SPATA6: variants seen among roughly 807,000 people sequenced by gnomAD.
The protein encoded by SPATA6 is spermatogenesis-associated protein 6.
In SPATA6, 56 loss-of-function variants were observed where a neutral mutation model predicts 65.3. The ratio of observed to expected loss-of-function variants is 0.86; its 90% CI spans 0.69 to 1.07. The LOEUF is 1.07. SPATA6 is among the 50% of genes least tolerant of loss of function. The pLI, the probability that SPATA6 is intolerant of heterozygous loss-of-function variation, is 0.00. For synonymous variants in SPATA6, 199 were observed against 213.2 expected, an observed-to-expected ratio of 0.93 and a Z score of 0.58; for missense variants, 590 against 594.8, an observed-to-expected ratio of 0.99 and a Z score of 0.08.
intron 9 of SPATA6, among the ~76,000 whole-genome samples, chr1:48,372,903 C>G (rs1191340482): frequency 6.6e-6 from 1 of 152,144 alleles, no homozygotes; most frequent in Non-Finnish European, 1.5e-5. Flanking sequence ...CACAGGGCAC[C>G]AAGTCCCTAG....
chr1:48,313,825 G>A (rs557675262), intron 11 of SPATA6, among the ~76,000 whole-genome samples: 1 of 152,176 alleles, frequency 6.6e-6, no homozygotes, highest in Admixed American at 6.5e-5. Flanking sequence ...ACACACATAG[G>A]CTCAAAATAA....
chr1:48,347,469 TAA>T (rs1002276452), intron 11 of SPATA6, among the ~76,000 whole-genome samples: 21 of 146,660 alleles, frequency 1.4e-4, no homozygotes, highest in Non-Finnish European at 4.5e-5. Context: ...ATATATAATA[TAA>T]TATATATATT....
chr1:48,400,794 T>A, intron 6 of SPATA6: 1 of 1,297,470 alleles, frequency 7.7e-7, no homozygotes, highest in Non-Finnish European at 1.0e-6. Context: ...GATTACTCCA[T>A]CTTTCCTTCT....
intron 8 of SPATA6, among the ~76,000 whole-genome samples, chr1:48,393,521 T>C (rs775160134): frequency 6.6e-6 from 1 of 152,166 alleles, no homozygotes; most frequent in Non-Finnish European, 1.5e-5. Context: ...AAGATATTAT[T>C]AGGACAACTG....
chr1:48,411,812 T>C (rs1187062114), intron 4 of SPATA6, among the ~76,000 whole-genome samples: 1 of 152,204 alleles, frequency 6.6e-6, no homozygotes, highest in Admixed American at 6.5e-5. Flanking sequence ...GGTCCAACAT[T>C]TATATGTCAG....
chr1:48,412,917 C>A (rs1444477301), intron 4 of SPATA6, among the ~76,000 whole-genome samples, 193 bp downstream of exon 4: 1 of 151,720 alleles, frequency 6.6e-6, no homozygotes, highest in Non-Finnish European at 1.5e-5. Context: ...CTATGCCCGG[C>A]CTGAAAAGAT....
intron 9 of SPATA6, among the ~76,000 whole-genome samples, chr1:48,360,970 G>A (rs1262920078): frequency 6.6e-6 from 1 of 152,130 alleles, no homozygotes. Context: ...TCTTCCAATT[G>A]TAAGCATAGA....
intron 3 of SPATA6, among the ~76,000 whole-genome samples, chr1:48,428,811 A>G (rs148059426): frequency 2.9e-3 from 154 of 53,332 alleles, no homozygotes; most frequent in Middle Eastern, 0.014. Context: ...GTGTGTGTGT[A>G]TATGTATATA....
At chr1:48,428,781 G>GTGTGTT (rs1316272733) in intron 3 of SPATA6, among the ~76,000 whole-genome samples, 17 of 81,518 alleles carry the variant, frequency 2.1e-4, no homozygotes, top group African/African-American at 7.9e-4. Flanking sequence ...ATATATGTGT[G>GTGTGTT]TGTGTGTGTG....
intron 1 of SPATA6, among the ~76,000 whole-genome samples, chr1:48,469,064 C>T (rs1249035889): frequency 6.6e-6 from 1 of 152,154 alleles, no homozygotes; most frequent in Non-Finnish European, 1.5e-5. Flanking sequence ...AACTCCTGGG[C>T]TCAGGTAATC....
chr1:48,311,645 C>A (rs1425975461), intron 11 of SPATA6, among the ~76,000 whole-genome samples: 1 of 152,160 alleles, frequency 6.6e-6, no homozygotes, highest in East Asian at 1.9e-4. Context: ...ACGTGAGCGA[C>A]ACAGAAGACA....
chr1:48,334,190 C>T (rs1216150573), intron 11 of SPATA6, among the ~76,000 whole-genome samples: 1 of 152,056 alleles, frequency 6.6e-6, no homozygotes, highest in East Asian at 1.9e-4. Flanking sequence ...CAGCCAAATT[C>T]TACCAGATGT....
chr1:48,301,026 T>C (rs1384303711), intron 12 of SPATA6, among the ~76,000 whole-genome samples: 2 of 152,004 alleles, frequency 1.3e-5, no homozygotes, highest in Non-Finnish European at 2.9e-5. Context: ...AACATAGTAA[T>C]GGAAGTCCTA....
At chr1:48,311,926 G>A (rs942809875) in intron 11 of SPATA6, among the ~76,000 whole-genome samples, 11 of 152,300 alleles carry the variant, frequency 7.2e-5, no homozygotes, top group East Asian at 1.9e-4. Flanking sequence ...ATTGTATCCC[G>A]CGATTGGCTT....
chr1:48,321,925 C>A (rs1038307711), intron 11 of SPATA6, among the ~76,000 whole-genome samples: 4 of 152,060 alleles, frequency 2.6e-5, no homozygotes, highest in African/African-American at 9.7e-5. Flanking sequence ...AGTCAATAAA[C>A]ATATTAAGAA....
intron 11 of SPATA6, among the ~76,000 whole-genome samples, chr1:48,308,875 C>A (rs1645128279): frequency 6.6e-6 from 1 of 152,024 alleles, no homozygotes; most frequent in South Asian, 2.1e-4. Flanking sequence ...CTTTTTGACT[C>A]TGGCTTTTTT....
chr1:48,454,988 C>T (rs1181598706), intron 1 of SPATA6, among the ~76,000 whole-genome samples: 2 of 152,284 alleles, frequency 1.3e-5, no homozygotes, highest in African/African-American at 4.8e-5. Context: ...ATCTTCTCTG[C>T]CAGCTATTTG....
At chr1:48,267,973 G>C in the SPATA6 span, among the ~76,000 whole-genome samples, 18 of 151,514 alleles carry the variant, frequency 1.2e-4, no homozygotes, top group Non-Finnish European at 2.2e-4. Flanking sequence ...GGATGGTCTC[G>C]ATCTCCTGAC....
intron 3 of SPATA6, among the ~76,000 whole-genome samples, chr1:48,438,634 G>A (rs1468016978): frequency 1.3e-5 from 2 of 152,118 alleles, no homozygotes; most frequent in Admixed American, 6.5e-5. Context: ...TCACCCAAGC[G>A]AGACTCGCCC....
Sources: allele counts gnomAD v4.1 joint callset (sites outside exome capture counted in the v4.1 genomes callset), GRCh38; gene constraint gnomAD v4.1.1; transcripts MANE v1.5; gene names NCBI Gene and HGNC (gene_info 2026-07-23, HGNC 2026-07-21).